MEGF8: variants seen among roughly 807,000 people sequenced by gnomAD.
MEGF8 encodes the protein multiple EGF like domains 8.
In MEGF8, 156 loss-of-function variants were observed where a neutral mutation model predicts 302.9. The observed-to-expected ratio is 0.52, with a 90% confidence interval of 0.45 to 0.59. MEGF8 has a LOEUF of 0.59. Among genes scored for constraint, MEGF8 ranks in the 20% least tolerant of loss-of-function variants. The probability of loss-of-function intolerance (pLI) is 0.00; values close to 1 mark genes in which losing one functional copy is unlikely to be tolerated. For synonymous variants in MEGF8, 1,621 were observed against 1,660.5 expected, an observed-to-expected ratio of 0.98 and a Z score of 0.58; for missense variants, 3,345 against 3,964.5, an observed-to-expected ratio of 0.84 and a Z score of 4.20.
chr19:42,358,332 A>G lies in MEGF8; in HGVS notation c.5175+25A>G, dbSNP rs929636333. ...GGTCAGGAAAAGAGGCTCAGACCCA[A>G]GGATGTATGGGGCAGGAGGGAGGGG... On this transcript the variant is annotated intron_variant, in intron 29 of 41. Transcript: ENST00000251268. This position sits in a 1 kb window ranked among gnomAD's most constrained non-coding sequence, Gnocchi z 4.4. 1 of 1,584,658 alleles carries G rather than the reference A, an allele frequency of 6.3e-7. No homozygotes were observed. The highest frequency in any genetic ancestry group is 1.4e-5 in the African/African-American group (1 of 73,852).
In MEGF8 at chr19:42,326,105, G is replaced by A. The variant is rs1421221419; in HGVS notation, c.-139G>A. 3.0e-6 allele frequency: 4 copies of A among 1,328,328 alleles called. No homozygotes were observed. The African/African-American group carries it at 4.7e-5, about 15-fold the overall frequency. 82.3% of individuals were successfully genotyped at this position (1,328,328 alleles called of 1,614,324 possible). The stretch of plus-strand genomic sequence containing the variant: ...GCCGTACCCTTCGCCGGGACTGCCG[G>A]GTCTCCGGGACCTCTTCGATCTACA... On this transcript the variant is annotated 5_prime_UTR_variant, in exon 1 of 42. Coordinates refer to ENST00000251268, the MANE Select transcript of MEGF8 (RefSeq NM_001271938.2).
chr19:42,355,223 C>T (rs2147482929), intron 23 of MEGF8, among the ~76,000 whole-genome samples: 1 of 152,202 alleles, frequency 6.6e-6, no homozygotes, highest in Non-Finnish European at 1.5e-5. Context: ...TCCCAAAATG[C>T]TGGGATTACA....
chr19:42,338,214 A>G (rs1414277460), intron 8 of MEGF8, among the ~76,000 whole-genome samples: 3 of 151,338 alleles, frequency 2.0e-5, no homozygotes, highest in Admixed American at 2.0e-4. Flanking sequence ...CCAGGTATTA[A>G]GCCTAGTACC....
At chr19:42,363,569 T>A (rs867327908) in intron 35 of MEGF8, among the ~76,000 whole-genome samples, 19 of 152,200 alleles carry the variant, frequency 1.2e-4, no homozygotes, top group Admixed American at 1.2e-3. Context: ...TTTAAAAAAA[T>A]TTTAATTTAA....
In MEGF8 at chr19:42,356,574, G is replaced by A. The variant is rs2147485748; in HGVS notation, c.4622+121G>A. On this transcript the variant is annotated intron_variant, in intron 26 of 41. Transcript: ENST00000251268. This position sits in a 1 kb window ranked among gnomAD's most constrained non-coding sequence, Gnocchi z 5.2. ...GGTAAAGGACAGCCCAAAGGATGCT[G>A]GGACACTTGTCACAGGAAGCTCACC... The A allele has an allele frequency of 2.0e-6, 2 of 978,946 alleles. No homozygotes were observed. The highest frequency in any genetic ancestry group is 1.5e-6 in the Non-Finnish European group (1 of 677,718). The allele number at this position is 978,946 out of a possible 1,614,324, so 60.6% of individuals were successfully genotyped here.
rs539168151 is a variant in MEGF8 at position 42,354,921 on chromosome 19, A to G, written c.4144+201A>G. ...CGGCTGAGCTACGTCTGCAGAGAGA[A>G]GGGCTGAATGAGACATGTCTCTGGG... On this transcript the variant is annotated intron_variant, in intron 23 of 41. Coordinates refer to ENST00000251268, the MANE Select transcript of MEGF8 (RefSeq NM_001271938.2). The surrounding 1 kb of genome is among the most constrained non-coding windows in gnomAD (Gnocchi z 4.3). Among the ~76,000 whole-genome samples, 117 of 152,292 alleles carry G rather than the reference A, an allele frequency of 7.7e-4. No homozygotes were observed. The South Asian group carries it at 8.9e-3, about 12-fold the overall frequency.
rs2039777765 is a variant in MEGF8 at position 42,376,837 on chromosome 19, G to T, written c.*62G>T. 4 of 1,408,316 alleles carry T rather than the reference G, an allele frequency of 2.8e-6. No individual in the cohort carries two copies. The allele number at this position is 1,408,316 out of a possible 1,614,324, so 87.2% of individuals were successfully genotyped here. A position where few individuals can be genotyped will look rare whatever the true frequency, so the allele number is the denominator to read the frequency against. ...CTGATAGGGCCGCCCTGGACTTGGG[G>T]TCCCTCCACCTGGGGGCCCCTGGAC... On this transcript the variant is annotated 3_prime_UTR_variant, in exon 42 of 42. Transcript: ENST00000251268. The surrounding 1 kb of genome is among the most constrained non-coding windows in gnomAD (Gnocchi z 8.2).
Position 42,326,377 on chromosome 19 carries a change from C to T in MEGF8, c.134C>T (p.Thr45Met), listed in dbSNP as rs1394509514. The stretch of plus-strand genomic sequence containing the variant: ...CTGCGGGAGGCGCCAGGCTTCGTGA[C>T]GGATGGTGCGGGCAACTACAGCGTC... ...QVLREAPGFV[T>M]DGAGNYSVNG... The change falls in exon 1 of 42, where the codon ACG (threonine) becomes ATG (methionine). Residue 45 changes from threonine (T) to methionine (M), a missense_variant. Transcript: ENST00000251268. The T allele has an allele frequency of 2.5e-6, 4 of 1,584,784 alleles. No individual in the cohort carries two copies. The highest frequency in any genetic ancestry group is 1.4e-5 in the African/African-American group (1 of 72,744).
At position 42,359,380 on chromosome 19, in the gene MEGF8, T is replaced by C. The variant is rs146812663; in HGVS notation, c.5488+138T>C. Reference sequence around the variant, plus strand: ...AGAGCTCCCGCTCTTCTGGATTATCTGAACACCAGGACATGCCCTCCTTCC... The same window carrying C: ...AGAGCTCCCGCTCTTCTGGATTATCCGAACACCAGGACATGCCCTCCTTCC... On this transcript the variant is annotated intron_variant, in intron 31 of 41. Transcript: ENST00000251268. 25 of 709,988 alleles carry C rather than the reference T, an allele frequency of 3.5e-5. No individual in the cohort carries two copies. The East Asian group carries it at 8.1e-4, about 23-fold the overall frequency. The allele number at this position is 709,988 out of a possible 1,614,324, so 44.0% of individuals were successfully genotyped here. A position where few individuals can be genotyped will look rare whatever the true frequency, so the allele number is the denominator to read the frequency against.
chr19:42,353,949 A>G lies in MEGF8; in HGVS notation c.3936A>G (p.Leu1312=), dbSNP rs2039414300. ...CVWVVSATEE[L]QPCAPGTLCP... is the part of the protein sequence containing the mutation. Reference sequence around the variant, plus strand: ...GGGTTGTCTCGGCCACTGAGGAGCTACAGCCCTGTGCTCCCGGGACCCTCT... The same window carrying G: ...GGGTTGTCTCGGCCACTGAGGAGCTGCAGCCCTGTGCTCCCGGGACCCTCT... The change falls in exon 22 of 42, where the codon CTA becomes CTG. Residue 1312 remains leucine (L), a synonymous_variant. Coordinates refer to ENST00000251268, the MANE Select transcript of MEGF8 (RefSeq NM_001271938.2). The surrounding 1 kb of genome is among the most constrained non-coding windows in gnomAD (Gnocchi z 6.1). 3.8e-6 allele frequency: 6 copies of G among 1,584,580 alleles called. No individual in the cohort carries two copies. The highest frequency in any genetic ancestry group is 1.7e-4 in the Middle Eastern group (1 of 6,046).
chr19:42,335,092 C>T lies in MEGF8; in HGVS notation c.616C>T (p.Leu206=). The part of the protein sequence containing the change: ...GFLGRACDLH[L]WENQGAGWWH... The stretch of plus-strand genomic sequence containing the variant: ...CTTGGGACGTGCCTGTGACCTGCAC[C>T]TGTGGGAGAACCAGGGGGCTGGGTG... Residue 206 remains leucine, a synonymous_variant, in exon 4 of 42, where the codon CTG becomes TTG. Transcript: ENST00000251268. 6.2e-7 allele frequency: 1 copy of T among 1,613,982 alleles called. No homozygotes were observed. Among genetic ancestry groups the T allele is most frequent in the Non-Finnish European group, 8.5e-7 (1 of 1,179,884 alleles).
Position 42,356,053 on chromosome 19 carries a change from G to T in MEGF8, c.4393-30G>T. The T allele has an allele frequency of 6.3e-7, 1 of 1,597,020 alleles. No individual in the cohort carries two copies. Among genetic ancestry groups the T allele is most frequent in the Non-Finnish European group, 8.6e-7 (1 of 1,168,426 alleles). On this transcript the variant is annotated intron_variant, in intron 24 of 41. Transcript: ENST00000251268. This position sits in a 1 kb window ranked among gnomAD's most constrained non-coding sequence, Gnocchi z 5.2. ...CTGGTGGGACAGGGCTGGTGATCAG[G>T]GCTCCCCTGAGTCCCTTGTCATCCC...
intron 23 of MEGF8, among the ~76,000 whole-genome samples, chr19:42,355,481 C>T (rs919536714): frequency 1.3e-5 from 2 of 151,928 alleles, no homozygotes; most frequent in African/African-American, 4.8e-5. Flanking sequence ...GCCAGGATGA[C>T]CAGTAGGGGA....
Position 42,357,693 on chromosome 19 carries a change from C to A in MEGF8, c.5011+109C>A. On this transcript the variant is annotated intron_variant, in intron 28 of 41. Coordinates refer to ENST00000251268, the MANE Select transcript of MEGF8 (RefSeq NM_001271938.2). The surrounding 1 kb of genome is among the most constrained non-coding windows in gnomAD (Gnocchi z 5.2). ...GCTCTGTGGCCACCTGTCTCCCTCTCTTTCCCATCCCCATGCAGATTCTCA... is the reference window on the plus strand; with the variant it reads ...GCTCTGTGGCCACCTGTCTCCCTCTATTTCCCATCCCCATGCAGATTCTCA... 1 of 992,852 alleles carries A rather than the reference C, an allele frequency of 1.0e-6. No individual in the cohort carries two copies. Among genetic ancestry groups the A allele is most frequent in the Non-Finnish European group, 1.5e-6 (1 of 686,786 alleles). The allele number at this position is 992,852 out of a possible 1,614,324, so 61.5% of individuals were successfully genotyped here.
At position 42,352,443 on chromosome 19, in the gene MEGF8, C is replaced by T. The variant is rs370419567; in HGVS notation, c.3337C>T (p.His1113Tyr). Residue 1113 changes from histidine to tyrosine, a missense_variant, in exon 19 of 42, where the codon CAC becomes TAC. Transcript: ENST00000251268. This position sits in a 1 kb window ranked among gnomAD's most constrained non-coding sequence, Gnocchi z 4.4. ...QRGYQGDGISHCNRTCLEDCG... is the reference protein window; with the variant it reads ...QRGYQGDGISYCNRTCLEDCG... ...GGGCTACCAGGGTGATGGCATCTCACACTGCAACCGCACGTGAGTGAGGCG... is the reference window on the plus strand; with the variant it reads ...GGGCTACCAGGGTGATGGCATCTCATACTGCAACCGCACGTGAGTGAGGCG... 6.4e-5 allele frequency: 102 copies of T among 1,596,112 alleles called. No homozygotes were observed. The highest frequency in any genetic ancestry group is 7.3e-5 in the Non-Finnish European group (86 of 1,170,730).
intron 8 of MEGF8, among the ~76,000 whole-genome samples, chr19:42,342,702 G>A (rs2039231836): frequency 6.6e-6 from 1 of 152,052 alleles, no homozygotes; most frequent in Non-Finnish European, 1.5e-5. Context: ...CTTCAGGCTG[G>A]GCTGGATCTA....
chr19:42,374,437 C>T (rs1369041072), intron 41 of MEGF8, among the ~76,000 whole-genome samples: 1 of 149,194 alleles, frequency 6.7e-6, no homozygotes, highest in Non-Finnish European at 1.5e-5. Flanking sequence ...CACCACTGCA[C>T]TCCAGCCTGG....
rs2039463778 is a variant in MEGF8 at position 42,357,117 on chromosome 19, A to G, written c.4830+136A>G. 1 of 1,007,784 alleles carries G rather than the reference A, an allele frequency of 9.9e-7. No homozygotes were observed. 62.4% of individuals were successfully genotyped at this position (1,007,784 alleles called of 1,614,324 possible). A position where few individuals can be genotyped will look rare whatever the true frequency, so the allele number is the denominator to read the frequency against. On this transcript the variant is annotated intron_variant, in intron 27 of 41. Transcript: ENST00000251268. The surrounding 1 kb of genome is among the most constrained non-coding windows in gnomAD (Gnocchi z 5.2). ...TGAATTTCCTCGGCCATCCTGGGTC[A>G]CACTGTTGTCCTGAGCCAGTCCTGG...
chr19:42,354,629 G>A lies in MEGF8; in HGVS notation c.4053G>A (p.Leu1351=), dbSNP rs770518344. The change falls in exon 23 of 42, where the codon CTG becomes CTA. Residue 1351 remains leucine (L), a synonymous_variant. Coordinates refer to ENST00000251268, the MANE Select transcript of MEGF8 (RefSeq NM_001271938.2). This position sits in a 1 kb window ranked among gnomAD's most constrained non-coding sequence, Gnocchi z 4.3. The part of the protein sequence containing the change: ...VLAFDGFPRF[L]DTGVVQSDRS... ...CGTTTGATGGATTCCCACGCTTCCT[G>A]GACACTGGTGTTGTCCAGTCGGACC... The A allele has an allele frequency of 6.2e-7, 1 of 1,613,006 alleles. No homozygotes were observed. The highest frequency in any genetic ancestry group is 1.1e-5 in the South Asian group (1 of 91,060).
Sources: gnomAD v4.1 joint callset for allele counts (sites outside exome capture counted in the v4.1 genomes callset) on GRCh38, gnomAD v4.1.1 for gene constraint, Gnocchi (gnomAD v3.1) non-coding constraint, MANE v1.5 for transcripts, NCBI Gene and HGNC (gene_info 2026-07-23, HGNC 2026-07-21) for gene names.